The following FHL5 variants were observed in gnomAD, a reference collection of about 807,000 sequenced individuals.
FHL5 encodes the protein four and a half LIM domains protein 5.
Under a neutral mutation model 32.0 loss-of-function variants are expected in FHL5, and 33 were observed. The observed-to-expected ratio is 1.03, with a 90% CI of 0.78 to 1.38. The LOEUF is 1.38. Among genes scored for constraint, FHL5 ranks in the 40% most tolerant of loss-of-function variants. FHL5 has a pLI of 0.00. For synonymous variants in FHL5, 114 were observed against 113.6 expected, an observed-to-expected ratio of 1.00 and a Z score of -0.02; for missense variants, 336 against 343.9, an observed-to-expected ratio of 0.98 and a Z score of 0.18.
intron 5 of FHL5, among the ~76,000 whole-genome samples, chr6:96,613,093 T>C (rs1019353953): frequency 2.6e-5 from 4 of 152,144 alleles, no homozygotes; most frequent in African/African-American, 9.7e-5. Flanking sequence ...GCTAAGAGAA[T>C]AGATTTTTAA....
In FHL5 at chr6:96,604,814, CTT is replaced by C. The variant is rs774666389; in HGVS notation, c.226_227del (p.Leu76GlyfsTer10). 1 of 1,613,836 alleles carries C rather than the reference CTT, an allele frequency of 6.2e-7. No individual in the cohort carries two copies. Among genetic ancestry groups the C allele is most frequent in the Non-Finnish European group, 8.5e-7 (1 of 1,179,796 alleles). Reference sequence around the variant, plus strand: ...TTCAAGTGCACCAAATGCAATCACTCTTTGGTGGAAAAGCCTTTTGCTGCCAA... The same window carrying C: ...TTCAAGTGCACCAAATGCAATCACTCTGGTGGAAAAGCCTTTTGCTGCCAA... On this transcript the variant is annotated frameshift_variant, in exon 3 of 6. Coordinates refer to ENST00000450218, the MANE Select transcript of FHL5 (RefSeq NM_001322466.2). LOFTEE classifies it high-confidence loss of function.
intron 3 of FHL5, among the ~76,000 whole-genome samples, chr6:96,605,420 T>G (rs1771255628): frequency 6.6e-6 from 1 of 152,244 alleles, no homozygotes; most frequent in Non-Finnish European, 1.5e-5. Flanking sequence ...CTTCTCAATC[T>G]CTATGGTCAG....
chr6:96,605,750 T>G, intron 3 of FHL5, 152 bp from the exon 4 acceptor site: 1 of 668,054 alleles, frequency 1.5e-6, no homozygotes, highest in Non-Finnish European at 2.4e-6. Flanking sequence ...GATGAATGGG[T>G]TTTTTTGAAC....
At chr6:96,574,915 T>C (rs1770554316) in intron 1 of FHL5, among the ~76,000 whole-genome samples, 1 of 152,142 alleles carries the variant, frequency 6.6e-6, no homozygotes, top group Admixed American at 6.5e-5. Flanking sequence ...GAATTCCACC[T>C]GGGAAAATAA....
At position 96,617,473 on chromosome 6, in the gene FHL5, T is replaced by C. The variant is rs186950106; in HGVS notation, c.*1701T>C. ...AGATACTAATAAGTGTTCTGCTAGA[T>C]AGACTATTTGAAAACTATAAATGTA... On this transcript the variant is annotated 3_prime_UTR_variant, in exon 6 of 6. Coordinates refer to ENST00000450218, the MANE Select transcript of FHL5 (RefSeq NM_001322466.2). 1.4e-4 allele frequency among the ~76,000 whole-genome samples: 22 copies of C among 152,356 alleles called. No homozygotes were observed. The highest frequency in any genetic ancestry group is 2.8e-4 in the Non-Finnish European group (19 of 68,028).
rs1213847832 is a variant in FHL5, at chr6:96,615,912, A to G, written c.*140A>G. On this transcript the variant is annotated 3_prime_UTR_variant, in exon 6 of 6. Coordinates refer to ENST00000450218, the MANE Select transcript of FHL5 (RefSeq NM_001322466.2). ...TGGAAAAGTTTTTGCACACATTTTG[A>G]TCGAACTATATTCTAAGCACACAAA... 1.6e-6 allele frequency: 1 copy of G among 619,162 alleles called. No homozygotes were observed. Among genetic ancestry groups the G allele is most frequent in the East Asian group, 3.0e-5 (1 of 33,444 alleles). 38.4% of individuals were successfully genotyped at this position (619,162 alleles called of 1,614,324 possible).
chr6:96,594,976 C>T (rs1339091701), intron 1 of FHL5, among the ~76,000 whole-genome samples: 1 of 151,886 alleles, frequency 6.6e-6, no homozygotes, highest in African/African-American at 2.4e-5. Flanking sequence ...TGTTTTTGAA[C>T]CCCACAAATT....
chr6:96,599,150 A>G lies in FHL5; in HGVS notation c.-12-4452A>G, dbSNP rs562547536. 2.0e-5 allele frequency among the ~76,000 whole-genome samples: 3 copies of G among 152,048 alleles called. No individual in the cohort carries two copies. In the East Asian group the frequency reaches 5.8e-4, roughly 29 times the overall value. On this transcript the variant is annotated intron_variant, in intron 1 of 5. Transcript: ENST00000450218. Reference sequence around the variant, plus strand: ...ATTTAAAAAATAGCACCTAAGAAATAACATTCTCAGCTACAGAAACTATTA... The same window carrying G: ...ATTTAAAAAATAGCACCTAAGAAATGACATTCTCAGCTACAGAAACTATTA...
At chr6:96,574,700 G>A (rs1770549808) in intron 1 of FHL5, among the ~76,000 whole-genome samples, 1 of 151,980 alleles carries the variant, frequency 6.6e-6, no homozygotes, top group Non-Finnish European at 1.5e-5. Context: ...TTAAGAAGAG[G>A]TAAATAGCTT....
intron 4 of FHL5, among the ~76,000 whole-genome samples, chr6:96,606,495 G>A (rs1170231077): frequency 6.6e-6 from 1 of 152,058 alleles, no homozygotes; most frequent in Non-Finnish European, 1.5e-5. Context: ...GGGATTACAG[G>A]TGCGTGCCAC....
intron 1 of FHL5, among the ~76,000 whole-genome samples, chr6:96,583,961 T>C (rs1429247967): frequency 1.3e-5 from 2 of 152,198 alleles, no homozygotes; most frequent in Admixed American, 1.3e-4. Flanking sequence ...TTCGTATATG[T>C]GTTTTCATTA....
chr6:96,585,321 A>G (rs116455742), intron 1 of FHL5, among the ~76,000 whole-genome samples: 1,760 of 152,328 alleles, frequency 0.012, 31 homozygotes, highest in African/African-American at 0.033. Context: ...TCTACTTTAC[A>G]GAATCAAATA....
intron 1 of FHL5, among the ~76,000 whole-genome samples, chr6:96,593,946 G>T (rs556093066): frequency 6.6e-6 from 1 of 151,522 alleles, no homozygotes; most frequent in Admixed American, 6.6e-5. Flanking sequence ...TTTTATTTTG[G>T]GGAAAAATTA....
chr6:96,602,154 CATGAGA>C (rs1448837111), intron 1 of FHL5, among the ~76,000 whole-genome samples: 8 of 152,114 alleles, frequency 5.3e-5, no homozygotes, highest in Non-Finnish European at 1.5e-5. Context: ...AGGCAAAACG[CATGAGA>C]ATAAGAGTTC....
intron 5 of FHL5, among the ~76,000 whole-genome samples, chr6:96,612,528 T>C (rs1482528192): frequency 3.3e-5 from 5 of 152,142 alleles, no homozygotes. Context: ...TGTGCCTAAG[T>C]GATTTTTTTC....
intron 1 of FHL5, among the ~76,000 whole-genome samples, chr6:96,602,426 CTTTTTTTTTTTTTTTTTTTTTTTT>C (rs1168636713): frequency 3.9e-4 from 13 of 33,682 alleles, no homozygotes; most frequent in Non-Finnish European, 7.8e-4. Context: ...TGCGTTGTTT[CTTTTTTTTTTTTTTTTTTTTTTTT>C]TTTTTTTTTT....
At chr6:96,611,325 G>C (rs1202898138) in intron 5 of FHL5, among the ~76,000 whole-genome samples, 1 of 151,952 alleles carries the variant, frequency 6.6e-6, no homozygotes, top group Non-Finnish European at 1.5e-5. Flanking sequence ...ATTATGAAGT[G>C]TGTTTATGAG....
chr6:96,572,803 C>T (rs549934397), intron 1 of FHL5, among the ~76,000 whole-genome samples: 10 of 152,292 alleles, frequency 6.6e-5, no homozygotes, highest in African/African-American at 2.4e-4. Context: ...TAAGAAGTTC[C>T]TCCTGGCTTC....
chr6:96,612,718 A>T (rs1771437918), intron 5 of FHL5, among the ~76,000 whole-genome samples: 1 of 152,204 alleles, frequency 6.6e-6, no homozygotes, highest in Non-Finnish European at 1.5e-5. Flanking sequence ...ATCAGTCCAC[A>T]GGAAATGTCT....
Sources: gnomAD v4.1 joint callset for allele counts (sites outside exome capture counted in the v4.1 genomes callset) on GRCh38, gnomAD v4.1.1 for gene constraint, MANE v1.5 for transcripts, NCBI Gene and HGNC (gene_info 2026-07-23, HGNC 2026-07-21) for gene names.